Variants in PPP1R14A observed in about 807,000 individuals in gnomAD.
PPP1R14A encodes the protein protein phosphatase 1 regulatory inhibitor subunit 14A.
A neutral mutation model predicts 14.1 loss-of-function variants in PPP1R14A; 9 were observed. That is an observed-to-expected ratio of 0.64 (90% confidence interval 0.38 to 1.11). The LOEUF (loss-of-function observed/expected upper bound fraction) is 1.11. Among genes scored for constraint, PPP1R14A ranks in the 50% most tolerant of loss-of-function variants. PPP1R14A has a pLI of 0.01. For missense variants in PPP1R14A, 208 were observed against 200.7 expected (o/e 1.04, Z -0.22); for synonymous variants, 93 against 88.7 (o/e 1.05, Z -0.27).
At position 38,252,311 on chromosome 19, in the gene PPP1R14A, C is replaced by G. The variant is rs753407999; in HGVS notation, c.310G>C (p.Val104Leu). The G allele has an allele frequency of 1.2e-6, 2 of 1,612,338 alleles. No homozygotes were observed. Among genetic ancestry groups the G allele is most frequent in the Non-Finnish European group, 1.7e-6 (2 of 1,179,312 alleles). ...QGLLKSCGKP[V>L]EDFIQELLAK... ...ATGAGGGAGAGAAAACTCACCTCGA[C>G]AGGTTTCCCACATGACTTCAGGAGT... Residue 104 changes from valine (V) to leucine (L), a missense_variant, in exon 3 of 4, where the codon GTC (valine) becomes CTC (leucine). Coordinates refer to ENST00000301242, the MANE Select transcript of PPP1R14A (RefSeq NM_033256.3). The surrounding 1 kb of genome is among the most constrained non-coding windows in gnomAD (Gnocchi z 4.1).
At position 38,252,386 on chromosome 19, in the gene PPP1R14A, C is replaced by A. The variant is rs1968200451; in HGVS notation, c.283-48G>T. 6.3e-7 allele frequency: 1 copy of A among 1,581,584 alleles called. No individual in the cohort carries two copies. The highest frequency in any genetic ancestry group is 8.7e-7 in the Non-Finnish European group (1 of 1,155,328). ...AAACAAAACAGTAAATGACTAACAC[C>A]TACTCCCCTCCAGCCCCTTCCCTTT... is the stretch of plus-strand genomic sequence containing the variant. On this transcript the variant is annotated intron_variant, in intron 2 of 3. Transcript: ENST00000301242. The surrounding 1 kb of genome is among the most constrained non-coding windows in gnomAD (Gnocchi z 4.1).
In PPP1R14A at chr19:38,251,330, A is replaced by G. The variant is rs758133715; in HGVS notation, c.432T>C (p.Thr144=). ...SLSPLQDRAR[T]AHP ...GAGTGCAAGAGGGTCAGGGGTGAGC[A>G]GTCCGGGCCCGGTCCTGGAGGGGGC... Residue 144 remains threonine, a synonymous_variant, in exon 4 of 4, where the codon ACT becomes ACC. Transcript: ENST00000301242. The G allele has an allele frequency of 1.3e-6, 2 of 1,505,292 alleles. No individual in the cohort carries two copies. 93.2% of individuals were successfully genotyped at this position (1,505,292 alleles called of 1,614,324 possible). A position where few individuals can be genotyped will look rare whatever the true frequency, so the allele number is the denominator to read the frequency against.
intron 1 of PPP1R14A, 173 bp from the exon 2 acceptor site, chr19:38,253,147 A>T: frequency 5.2e-5 from 28 of 541,048 alleles, no homozygotes; most frequent in Non-Finnish European, 6.7e-5. Flanking sequence ...GTTGGGGGGG[A>T]GGGGTGACAG....
chr19:38,251,346 T>C lies in PPP1R14A; in HGVS notation c.416A>G (p.Gln139Arg). The change falls in exon 4 of 4, where the codon CAG becomes CGG. Residue 139 changes from glutamine to arginine, a missense_variant. By Grantham distance (43) the Gln-to-Arg change is conservative. Transcript: ENST00000301242. Reference protein sequence around the residue: ...PSHDGSLSPLQDRARTAHP With the variant: ...PSHDGSLSPLRDRARTAHP ...GGGGTGAGCAGTCCGGGCCCGGTCC[T>C]GGAGGGGGCTGAGGCTGCCGTCGTG... is the stretch of plus-strand genomic sequence containing the variant. 1 of 1,537,400 alleles carries C rather than the reference T, an allele frequency of 6.5e-7. No homozygotes were observed. The highest frequency in any genetic ancestry group is 8.7e-7 in the Non-Finnish European group (1 of 1,153,768).
rs763660552 is a variant in PPP1R14A at position 38,253,010 on chromosome 19, T to TTCCC, written c.202-40_202-37dup. On this transcript the variant is annotated intron_variant, in intron 1 of 3. Coordinates refer to ENST00000301242, the MANE Select transcript of PPP1R14A (RefSeq NM_033256.3). Reference sequence around the variant, plus strand: ...GGAGGGAGGGGTGCTTAGGATCCCCTTCCCTCCCTCCCTCGCCTTTGTCCA... The same window carrying TTCCC: ...GGAGGGAGGGGTGCTTAGGATCCCCTTCCCTCCCTCCCTCCCTCGCCTTTGTCCA... The TTCCC allele has an allele frequency of 2.7e-6, 4 of 1,496,368 alleles. No homozygotes were observed. In the South Asian group the frequency reaches 4.5e-5, roughly 17 times the overall value. The allele number at this position is 1,496,368 out of a possible 1,614,324, so 92.7% of individuals were successfully genotyped here.
intron 1 of PPP1R14A, 112 bp from the exon 2 acceptor site, chr19:38,253,086 A>G (rs191647694): frequency 1.2e-6 from 1 of 801,632 alleles, no homozygotes; most frequent in African/African-American, 1.7e-5. Flanking sequence ...CGGGTTCTGG[A>G]GCATTAATGT....
Position 38,256,241 on chromosome 19 carries a change from C to A in PPP1R14A, c.99G>T (p.Arg33=), listed in dbSNP as rs1328098957. ...PGGSPGGLQK[R]HARVTVKYDR... is the part of the protein sequence containing the mutation. ...CATACTTGACGGTGACGCGCGCGTG[C>A]CGCTTCTGCAGCCCCCCGGGACTGC... The change falls in exon 1 of 4, where the codon CGG becomes CGT. Residue 33 remains arginine, a synonymous_variant. Coordinates refer to ENST00000301242, the MANE Select transcript of PPP1R14A (RefSeq NM_033256.3). This position sits in a 1 kb window ranked among gnomAD's most constrained non-coding sequence, Gnocchi z 5.7. 1 of 1,551,158 alleles carries A rather than the reference C, an allele frequency of 6.4e-7. No homozygotes were observed. The highest frequency in any genetic ancestry group is 1.2e-5 in the South Asian group (1 of 84,676).
chr19:38,253,629 C>T (rs1179968411), intron 1 of PPP1R14A, among the ~76,000 whole-genome samples: 1 of 152,190 alleles, frequency 6.6e-6, no homozygotes, highest in African/African-American at 2.4e-5. Flanking sequence ...GGCTCAGTAC[C>T]CCTGCTGGGA....
chr19:38,255,104 G>A (rs896742373), intron 1 of PPP1R14A, among the ~76,000 whole-genome samples: 1 of 151,784 alleles, frequency 6.6e-6, no homozygotes, highest in Non-Finnish European at 1.5e-5. Flanking sequence ...TTTATGTCTG[G>A]GTGTAGTTAT....
Position 38,251,458 on chromosome 19 carries a change from T to C in PPP1R14A, c.316-12A>G. On this transcript the variant is annotated splice_polypyrimidine_tract_variant and intron_variant, in intron 3 of 3. Coordinates refer to ENST00000301242, the MANE Select transcript of PPP1R14A (RefSeq NM_033256.3). ...TCCTGGATGAAGTCCTGAGACAGGG[T>C]GGGGGAGCTGAGAACATGGGAACAG... is the stretch of plus-strand genomic sequence containing the variant. 6.5e-7 allele frequency: 1 copy of C among 1,536,432 alleles called. No homozygotes were observed. The highest frequency in any genetic ancestry group is 2.1e-5 in the Admixed American group (1 of 46,674).
Position 38,256,187 on chromosome 19 carries a change from G to A in PPP1R14A, c.153C>T (p.Asp51=), listed in dbSNP as rs1464843962. ...GGCGCCCGTCGATCCACTTCTCCAC[G>A]TCCAGCCGCCGCTGCAGCTCCCGCC... The part of the protein sequence containing the change: ...YDRRELQRRL[D]VEKWIDGRLE... The change falls in exon 1 of 4, where the codon GAC becomes GAT. Residue 51 remains aspartate, a synonymous_variant. Coordinates refer to ENST00000301242, the MANE Select transcript of PPP1R14A (RefSeq NM_033256.3). The surrounding 1 kb of genome is among the most constrained non-coding windows in gnomAD (Gnocchi z 5.7). 7 of 1,547,180 alleles carry A rather than the reference G, an allele frequency of 4.5e-6. No homozygotes were observed. The highest frequency in any genetic ancestry group is 6.1e-6 in the Non-Finnish European group (7 of 1,150,562).
intron 1 of PPP1R14A, among the ~76,000 whole-genome samples, chr19:38,255,784 T>C (rs1380512587): frequency 1.3e-5 from 2 of 152,112 alleles, no homozygotes; most frequent in African/African-American, 2.4e-5. Context: ...CCTGTCACCA[T>C]GTCTGTGTTT....
chr19:38,256,085 C>T lies in PPP1R14A; in HGVS notation c.201+54G>A. On this transcript the variant is annotated intron_variant, in intron 1 of 3. Coordinates refer to ENST00000301242, the MANE Select transcript of PPP1R14A (RefSeq NM_033256.3). This position sits in a 1 kb window ranked among gnomAD's most constrained non-coding sequence, Gnocchi z 5.7. Reference sequence around the variant, plus strand: ...CCGAGACCCCAAGGGCGTGGGGTCTCCGCGCCCGGGCTCTATCTGTCCCCG... The same window carrying T: ...CCGAGACCCCAAGGGCGTGGGGTCTTCGCGCCCGGGCTCTATCTGTCCCCG... The T allele has an allele frequency of 1.4e-6, 2 of 1,478,582 alleles. No homozygotes were observed. Among genetic ancestry groups the T allele is most frequent in the Non-Finnish European group, 1.8e-6 (2 of 1,110,454 alleles). 91.6% of individuals were successfully genotyped at this position (1,478,582 alleles called of 1,614,324 possible). A position where few individuals can be genotyped will look rare whatever the true frequency, so the allele number is the denominator to read the frequency against.
At position 38,252,573 on chromosome 19, in the gene PPP1R14A, C is replaced by T. The variant is rs1188069783; in HGVS notation, c.283-235G>A. Among the ~76,000 whole-genome samples, 1 of 152,044 alleles carries T rather than the reference C, an allele frequency of 6.6e-6. No individual in the cohort carries two copies. Among genetic ancestry groups the T allele is most frequent in the Non-Finnish European group, 1.5e-5 (1 of 68,024 alleles). On this transcript the variant is annotated intron_variant, in intron 2 of 3. Coordinates refer to ENST00000301242, the MANE Select transcript of PPP1R14A (RefSeq NM_033256.3). This position sits in a 1 kb window ranked among gnomAD's most constrained non-coding sequence, Gnocchi z 4.1. The stretch of plus-strand genomic sequence containing the variant: ...GGCGAGAGGGTCACACAGCACTTCC[C>T]TCCTCTAAAAAGGTATAAGCCATAA...
chr19:38,253,515 G>A (rs559492775), intron 1 of PPP1R14A, among the ~76,000 whole-genome samples: 7 of 152,284 alleles, frequency 4.6e-5, no homozygotes, highest in Admixed American at 6.5e-5. Context: ...GAGGACCACC[G>A]AGGCCCCTCA....
At chr19:38,251,534 T>G (rs1463888345) in intron 3 of PPP1R14A, 88 bp from the exon 4 acceptor site, 2 of 1,172,910 alleles carry the variant, frequency 1.7e-6, no homozygotes, top group Non-Finnish European at 2.2e-6. Flanking sequence ...CCTGGGCGCC[T>G]CCTCCTGTTC....
chr19:38,253,614 A>G (rs768067949), intron 1 of PPP1R14A, among the ~76,000 whole-genome samples: 30 of 152,192 alleles, frequency 2.0e-4, no homozygotes, highest in Non-Finnish European at 3.7e-4. Flanking sequence ...GCCCAAGCGC[A>G]GGCTGGCTCA....
chr19:38,251,494 C>A, intron 3 of PPP1R14A, 48 bp from the exon 4 acceptor site: 3 of 1,501,046 alleles, frequency 2.0e-6, no homozygotes, highest in Non-Finnish European at 2.6e-6. Flanking sequence ...TGCGGGGGCA[C>A]CCTCTGCCCC....
At chr19:38,254,058 G>T (rs1968219961) in intron 1 of PPP1R14A, among the ~76,000 whole-genome samples, 1 of 152,184 alleles carries the variant, frequency 6.6e-6, no homozygotes, top group South Asian at 2.1e-4. Flanking sequence ...ATGGGCCCAG[G>T]TGTGAGTCTG....
Sources: gnomAD v4.1 joint callset for allele counts (sites outside exome capture counted in the v4.1 genomes callset) on GRCh38, gnomAD v4.1.1 for gene constraint, Gnocchi (gnomAD v3.1) non-coding constraint, MANE v1.5 for transcripts, NCBI Gene and HGNC (gene_info 2026-07-23, HGNC 2026-07-21) for gene names.